PLEKHA6: variants seen among roughly 807,000 people sequenced by gnomAD.
The protein encoded by PLEKHA6 is pleckstrin homology domain containing A6, also known as pleckstrin homology domain-containing family A member 6.
A neutral mutation model predicts 116.7 loss-of-function variants in PLEKHA6; 60 were observed. The observed-to-expected ratio is 0.51, with a 90% CI of 0.42 to 0.64. The LOEUF is 0.64. PLEKHA6 is among the 30% of genes least tolerant of loss of function. The probability of loss-of-function intolerance (pLI) is 0.00; values close to 1 mark genes in which losing one functional copy is unlikely to be tolerated. For missense variants in PLEKHA6, 1,338 were observed against 1,422.7 expected, an observed-to-expected ratio of 0.94 and a Z score of 0.96; for synonymous variants, 489 against 556.1, an observed-to-expected ratio of 0.88 and a Z score of 1.70.
At chr1:204,351,324 C>T (rs1673275016) in intron 1 of PLEKHA6, among the ~76,000 whole-genome samples, 2 of 152,316 alleles carry the variant, frequency 1.3e-5, no homozygotes, top group South Asian at 4.1e-4. Flanking sequence ...CACAAGCCGT[C>T]CTCCCCAGTT....
chr1:204,333,278 G>C (rs1000297719), intron 1 of PLEKHA6, among the ~76,000 whole-genome samples: 1 of 152,176 alleles, frequency 6.6e-6, no homozygotes, highest in Non-Finnish European at 1.5e-5. Flanking sequence ...TACCCTCCAG[G>C]GCTTTGCCCA....
chr1:204,234,390 A>G (rs931532746), intron 17 of PLEKHA6, among the ~76,000 whole-genome samples: 3 of 152,198 alleles, frequency 2.0e-5, no homozygotes, highest in African/African-American at 7.2e-5. Flanking sequence ...ATAAGTTTCT[A>G]TTGTTTTAAG....
chr1:204,263,911 T>G (rs550243354), intron 6 of PLEKHA6, among the ~76,000 whole-genome samples: 5 of 152,146 alleles, frequency 3.3e-5, no homozygotes, highest in Non-Finnish European at 7.4e-5. Flanking sequence ...AAACTAATTA[T>G]GTGCCAAATA....
intron 1 of PLEKHA6, among the ~76,000 whole-genome samples, chr1:204,340,378 AATAAATGTTC>A (rs1307171581): frequency 6.6e-6 from 1 of 152,182 alleles, no homozygotes; most frequent in Non-Finnish European, 1.5e-5. Context: ...TGCTGGGGTA[AATAAATGTTC>A]ACCCGCATTA....
chr1:204,249,833 A>T (rs571670924), intron 10 of PLEKHA6, among the ~76,000 whole-genome samples: 1 of 152,208 alleles, frequency 6.6e-6, no homozygotes, highest in Admixed American at 6.5e-5. Flanking sequence ...GGTGATGGGG[A>T]GCAGACAGGT....
chr1:204,313,161 C>T (rs543980184), intron 1 of PLEKHA6, among the ~76,000 whole-genome samples: 28 of 150,554 alleles, frequency 1.9e-4, no homozygotes, highest in African/African-American at 6.6e-4. Context: ...TCAAGAGGTC[C>T]TCCCACCTCA....
intron 17 of PLEKHA6, among the ~76,000 whole-genome samples, chr1:204,231,341 G>C (rs1661154303): frequency 6.6e-6 from 1 of 152,162 alleles, no homozygotes; most frequent in African/African-American, 2.4e-5. Flanking sequence ...TTGCCCTAGA[G>C]AATAGAGTTA....
chr1:204,271,661 T>A (rs751752631), intron 3 of PLEKHA6, among the ~76,000 whole-genome samples: 40 of 152,186 alleles, frequency 2.6e-4, no homozygotes, highest in Non-Finnish European at 1.5e-4. Flanking sequence ...CTGAATATCC[T>A]GGCCTCCTAT....
At chr1:204,317,358 AG>A (rs1671898227) in intron 1 of PLEKHA6, 1 of 201,518 alleles carries the variant, frequency 5.0e-6, no homozygotes, top group African/African-American at 2.4e-5. Flanking sequence ...TCCAGCAGCC[AG>A]GCCTCTTCGG....
rs1257243841 is a variant in PLEKHA6, at chr1:204,259,500, C to T, written c.765G>A (p.Glu255=). 6.2e-7 allele frequency: 1 copy of T among 1,614,138 alleles called. No individual in the cohort carries two copies. Among genetic ancestry groups the T allele is most frequent in the South Asian group, 1.1e-5 (1 of 91,082 alleles). The change falls in exon 8 of 23, where the codon GAG becomes GAA. Residue 255 remains glutamate (E), a synonymous_variant. Transcript: ENST00000272203. This position sits in a 1 kb window ranked among gnomAD's most constrained non-coding sequence, Gnocchi z 4.6. ...CCCCACCCCCTGGCACTCTTGGGCC[C>T]TCGGGGTAAGGGCTGCCCGGCTCTG... The part of the protein sequence containing the change: ...PASEPGSPYP[E]GPRVPGGGEQ...
intron 12 of PLEKHA6, among the ~76,000 whole-genome samples, chr1:204,248,154 C>CATT (rs1558057140): frequency 8.2e-5 from 5 of 60,684 alleles, no homozygotes; most frequent in African/African-American, 3.3e-4. Context: ...AGGGCAGCAG[C>CATT]CTTTTTTTTT....
chr1:204,274,010 C>T (rs756961996), intron 2 of PLEKHA6, among the ~76,000 whole-genome samples: 7 of 152,280 alleles, frequency 4.6e-5, no homozygotes, highest in Non-Finnish European at 7.4e-5. Context: ...CAAGACTCAC[C>T]ACAGCCTTGA....
chr1:204,314,838 G>C (rs1351830214), intron 1 of PLEKHA6, among the ~76,000 whole-genome samples: 6 of 152,148 alleles, frequency 3.9e-5, no homozygotes, highest in Non-Finnish European at 8.8e-5. Context: ...GCTGGTATTT[G>C]GGGAGTAGGG....
At chr1:204,332,538 T>G (rs1231420936) in intron 1 of PLEKHA6, among the ~76,000 whole-genome samples, 1 of 152,194 alleles carries the variant, frequency 6.6e-6, no homozygotes, top group Non-Finnish European at 1.5e-5. Flanking sequence ...CGCGCCACCA[T>G]GCCCAGCTAA....
Position 204,222,020 on chromosome 1 carries a change from A to ATCTCTCCCTCTCTCTCTCTCTC in PLEKHA6, c.*767_*768insGAGAGAGAGAGAGAGGGAGAGA, listed in dbSNP as rs1659690738. ...GCTTCCCCCTCCTTCCACTCTGAGG[A>ATCTCTCCCTCTCTCTCTCTCTC]TCTCTCTCTCTCTCTCTCTCTCTCT... On this transcript the variant is annotated 3_prime_UTR_variant, in exon 23 of 23. Transcript: ENST00000272203. 7.5e-6 allele frequency: 1 copy of ATCTCTCCCTCTCTCTCTCTCTC among 133,634 alleles called. No individual in the cohort carries two copies. The highest frequency in any genetic ancestry group is 2.9e-5 in the African/African-American group (1 of 34,880). The allele number at this position is 133,634 out of a possible 1,614,324, so 8.3% of individuals were successfully genotyped here. A position where few individuals can be genotyped will look rare whatever the true frequency, so the allele number is the denominator to read the frequency against.
chr1:204,256,926 C>T (rs751129405), intron 9 of PLEKHA6: 1 of 600,796 alleles, frequency 1.7e-6, no homozygotes, highest in Non-Finnish European at 3.0e-6. Flanking sequence ...AGGGGTCTGG[C>T]TGGGACACGG....
chr1:204,285,103 A>C (rs1572063412), intron 1 of PLEKHA6, among the ~76,000 whole-genome samples: 1 of 152,356 alleles, frequency 6.6e-6, no homozygotes, highest in East Asian at 1.9e-4. Flanking sequence ...CACAGTAGCT[A>C]GTGGTTACCA....
At chr1:204,299,066 T>C (rs1670561970) in intron 1 of PLEKHA6, among the ~76,000 whole-genome samples, 2 of 152,230 alleles carry the variant, frequency 1.3e-5, no homozygotes, top group Admixed American at 6.5e-5. Context: ...CCTTGAGTTC[T>C]GAGAGACACC....
rs969211527 is a variant in PLEKHA6, at chr1:204,223,194, C to T, written c.*8+268G>A. On this transcript the variant is annotated intron_variant, in intron 22 of 22. Coordinates refer to ENST00000272203, the MANE Select transcript of PLEKHA6 (RefSeq NM_014935.5). The surrounding 1 kb of genome is among the most constrained non-coding windows in gnomAD (Gnocchi z 4.8). Reference sequence around the variant, plus strand: ...GAGCAGACAGGTGAGGTCTCGGCTCCATTCCCTGCCTGCTTCTGGAGAAGC... The same window carrying T: ...GAGCAGACAGGTGAGGTCTCGGCTCTATTCCCTGCCTGCTTCTGGAGAAGC... Among the ~76,000 whole-genome samples, 7 of 152,022 alleles carry T rather than the reference C, an allele frequency of 4.6e-5. No individual in the cohort carries two copies. The highest frequency in any genetic ancestry group is 8.8e-5 in the Non-Finnish European group (6 of 68,000).
Sources: allele counts gnomAD v4.1 joint callset (sites outside exome capture counted in the v4.1 genomes callset), GRCh38; gene constraint gnomAD v4.1.1; non-coding constraint Gnocchi (gnomAD v3.1); transcripts MANE v1.5; gene names NCBI Gene and HGNC (gene_info 2026-07-23, HGNC 2026-07-21).